KAZN: variants seen among roughly 807,000 people sequenced by gnomAD.
KAZN encodes the protein kazrin.
KAZN carries 40 observed loss-of-function variants against 87.4 expected under a neutral mutation model. The observed-to-expected ratio is 0.46, with a 90% CI of 0.36 to 0.60. The LOEUF (loss-of-function observed/expected upper bound fraction) is 0.60. Ranked by LOEUF, KAZN falls within the 20% of genes least tolerant of loss-of-function variation. The pLI, the probability that KAZN is intolerant of heterozygous loss-of-function variation, is 0.00. For missense variants in KAZN, 898 were observed against 1,073.9 expected, an observed-to-expected ratio of 0.84 and a Z score of 2.29; for synonymous variants, 466 against 458.3, an observed-to-expected ratio of 1.02 and a Z score of -0.22.
chr1:14,951,454 T>A (rs958327294), intron 1 of KAZN, among the ~76,000 whole-genome samples: 6 of 151,936 alleles, frequency 3.9e-5, no homozygotes, highest in African/African-American at 7.3e-5. Flanking sequence ...TCTTTTTTTT[T>A]AATTTTTATT....
intron 2 of KAZN, among the ~76,000 whole-genome samples, chr1:14,265,068 A>G (rs1026454374): frequency 1.3e-5 from 2 of 152,220 alleles, no homozygotes; most frequent in Non-Finnish European, 2.9e-5. Flanking sequence ...TATTTATATC[A>G]ATAATTTTAG....
At chr1:14,343,720 C>A (rs540524065) in intron 2 of KAZN, among the ~76,000 whole-genome samples, 1 of 152,120 alleles carries the variant, frequency 6.6e-6, no homozygotes, top group South Asian at 2.1e-4. Flanking sequence ...GCAAACAAAT[C>A]GAATTTTTAA....
chr1:15,050,307 G>C (rs866998830), intron 4 of KAZN, among the ~76,000 whole-genome samples: 1 of 152,210 alleles, frequency 6.6e-6, no homozygotes, highest in African/African-American at 2.4e-5. Context: ...AGCGTTCACA[G>C]CTCTGTGCTG....
chr1:14,978,790 G>C (rs960214388), intron 2 of KAZN, among the ~76,000 whole-genome samples: 2 of 152,120 alleles, frequency 1.3e-5, no homozygotes, highest in Non-Finnish European at 2.9e-5. Context: ...CTAGAAGGGG[G>C]TCTGACGCCC....
At chr1:13,968,050 G>A (rs1409544353) in intron 1 of KAZN, among the ~76,000 whole-genome samples, 1 of 152,128 alleles carries the variant, frequency 6.6e-6, no homozygotes, top group Non-Finnish European at 1.5e-5. Context: ...ACCCCAGGGC[G>A]GTCATTTCTC....
intron 1 of KAZN, among the ~76,000 whole-genome samples, chr1:14,839,850 C>CT (rs1178275531): frequency 1.3e-5 from 2 of 152,136 alleles, no homozygotes; most frequent in Non-Finnish European, 2.9e-5. Context: ...GGAGGTGCCT[C>CT]TAAGTTTGCA....
chr1:14,196,475 G>C (rs950392574), intron 2 of KAZN, among the ~76,000 whole-genome samples: 1 of 152,084 alleles, frequency 6.6e-6, no homozygotes, highest in Non-Finnish European at 1.5e-5. Flanking sequence ...ATGATGCCAA[G>C]AAATTTTGTT....
intron 8 of KAZN, chr1:15,067,141 T>G: frequency 1.0e-6 from 1 of 985,678 alleles, no homozygotes; most frequent in African/African-American, 1.7e-5. Flanking sequence ...AGGATGCAGG[T>G]GGGCCAGGCA....
At chr1:14,397,220 C>G (rs895209443) in intron 2 of KAZN, among the ~76,000 whole-genome samples, 1 of 152,092 alleles carries the variant, frequency 6.6e-6, no homozygotes, top group South Asian at 2.1e-4. Flanking sequence ...GCTGCCAGAA[C>G]AAAATACTAC....
chr1:14,450,445 C>T (rs190373926), intron 2 of KAZN, among the ~76,000 whole-genome samples: 2,245 of 152,190 alleles, frequency 0.015, 28 homozygotes, highest in African/African-American at 0.037. Context: ...AAAAAATTAG[C>T]CAGACGTGGT....
At chr1:14,713,793 A>AGAAAGAAAG (rs61640714) in intron 1 of KAZN, among the ~76,000 whole-genome samples, 2 of 61,598 alleles carry the variant, frequency 3.2e-5, no homozygotes, top group African/African-American at 4.9e-5. Flanking sequence ...AAAAAAAAAA[A>AGAAAGAAAG]AAAAAAAGAA....
chr1:13,983,383 A>G (rs1638845425), intron 1 of KAZN, among the ~76,000 whole-genome samples: 1 of 151,896 alleles, frequency 6.6e-6, no homozygotes, highest in East Asian at 1.9e-4. Flanking sequence ...GACCCAGTAC[A>G]CTCTCCGCAG....
At chr1:14,416,802 C>A (rs954407217) in intron 2 of KAZN, among the ~76,000 whole-genome samples, 13 of 151,360 alleles carry the variant, frequency 8.6e-5, no homozygotes, top group African/African-American at 2.4e-5. Flanking sequence ...GGAAAAAAAA[C>A]CCAGCTGCAT....
intron 1 of KAZN, among the ~76,000 whole-genome samples, chr1:14,732,836 G>A (rs1643739571): frequency 6.6e-6 from 1 of 152,052 alleles, no homozygotes; most frequent in African/African-American, 2.4e-5. Flanking sequence ...GACTCTAAGA[G>A]TGCCATAAAC....
chr1:13,901,048 AAAAAAAC>A (rs1470548255), intron 1 of KAZN, among the ~76,000 whole-genome samples: 1 of 151,436 alleles, frequency 6.6e-6, no homozygotes, highest in Non-Finnish European at 1.5e-5. Flanking sequence ...CATTGAAAAA[AAAAAAAC>A]AAAAAACAAA....
intron 1 of KAZN, among the ~76,000 whole-genome samples, chr1:14,877,206 G>T (rs548499662): frequency 6.6e-6 from 1 of 152,068 alleles, no homozygotes; most frequent in African/African-American, 2.4e-5. Flanking sequence ...TCTGTCTCCC[G>T]TTACTCCCTT....
chr1:15,103,264 C>T, intron 11 of KAZN, 95 bp from the exon 12 acceptor site: 2 of 871,870 alleles, frequency 2.3e-6, no homozygotes, highest in Non-Finnish European at 3.6e-6. Flanking sequence ...GAGACTCTGT[C>T]TCGGGGGGAA....
chr1:14,716,695 G>A (rs923467436), intron 1 of KAZN, among the ~76,000 whole-genome samples: 16 of 152,200 alleles, frequency 1.1e-4, no homozygotes, highest in East Asian at 3.9e-4. Flanking sequence ...TGCCTGAGCC[G>A]TCCTTTCCTG....
chr1:14,762,743 A>G (rs2100552775), intron 1 of KAZN, among the ~76,000 whole-genome samples: 1 of 151,652 alleles, frequency 6.6e-6, no homozygotes, highest in Admixed American at 6.6e-5. Context: ...AAAAAGAAAG[A>G]AGAAGAGAAG....
Sources: gnomAD v4.1 joint callset for allele counts (sites outside exome capture counted in the v4.1 genomes callset) on GRCh38, gnomAD v4.1.1 for gene constraint, MANE v1.5 for transcripts, NCBI Gene and HGNC (gene_info 2026-07-23, HGNC 2026-07-21) for gene names.